Variants in ASTN2 observed in about 807,000 individuals in gnomAD.
ASTN2 encodes the protein astrotactin 2.
ASTN2 carries 54 observed loss-of-function variants against 139.8 expected under a neutral mutation model. That is an observed-to-expected ratio of 0.39 (90% confidence interval 0.31 to 0.48). The LOEUF (loss-of-function observed/expected upper bound fraction) is 0.48, where lower values mean the gene tolerates loss of function less well. Among genes scored for constraint, ASTN2 ranks in the 20% least tolerant of loss-of-function variants. ASTN2 has a pLI of 0.95. For missense variants in ASTN2, 1,565 were observed against 1,725.1 expected, an observed-to-expected ratio of 0.91 and a Z score of 1.64; for synonymous variants, 756 against 719.5, an observed-to-expected ratio of 1.05 and a Z score of -0.81.
chr9:116,427,269 G>T (rs908897349), intron 22 of ASTN2, among the ~76,000 whole-genome samples: 1 of 152,104 alleles, frequency 6.6e-6, no homozygotes, highest in Non-Finnish European at 1.5e-5. Flanking sequence ...AGACATTGAA[G>T]AATTTTCAAT....
intron 3 of ASTN2, among the ~76,000 whole-genome samples, chr9:117,149,354 GAC>G (rs2132875868): frequency 6.6e-6 from 1 of 152,262 alleles, no homozygotes; most frequent in East Asian, 1.9e-4. Flanking sequence ...TGGTTAGATA[GAC>G]AGATGAAAGG....
chr9:116,969,658 A>G (rs1387606113), intron 10 of ASTN2, among the ~76,000 whole-genome samples: 1 of 152,120 alleles, frequency 6.6e-6, no homozygotes, highest in Non-Finnish European at 1.5e-5. Context: ...GCCAAAAGCC[A>G]TTGGCACTCT....
chr9:117,132,735 G>A (rs773094393), intron 4 of ASTN2, among the ~76,000 whole-genome samples: 24 of 152,110 alleles, frequency 1.6e-4, no homozygotes, highest in East Asian at 5.8e-4. Flanking sequence ...TACTCTCCCC[G>A]GCTGCACCTC....
intron 4 of ASTN2, among the ~76,000 whole-genome samples, chr9:117,097,233 G>A (rs1828863454): frequency 6.6e-6 from 1 of 152,192 alleles, no homozygotes; most frequent in Non-Finnish European, 1.5e-5. Flanking sequence ...GAGGAGTGTG[G>A]AGGGAAAAGG....
At chr9:117,086,447 G>C (rs988998628) in intron 5 of ASTN2, among the ~76,000 whole-genome samples, 1 of 152,142 alleles carries the variant, frequency 6.6e-6, no homozygotes, top group Admixed American at 6.5e-5. Context: ...GGTGGCACGT[G>C]CCTGTAGTCC....
chr9:116,542,542 T>TTA (rs752633591), intron 19 of ASTN2, among the ~76,000 whole-genome samples: 4 of 152,316 alleles, frequency 2.6e-5, no homozygotes, highest in East Asian at 1.9e-4. Flanking sequence ...CAAAGCCAAG[T>TTA]TATATATATT....
At chr9:117,208,173 A>C (rs1832000202) in intron 3 of ASTN2, among the ~76,000 whole-genome samples, 1 of 152,222 alleles carries the variant, frequency 6.6e-6, no homozygotes, top group South Asian at 2.1e-4. Context: ...ATAATAAAAT[A>C]CATGAACTGC....
intron 20 of ASTN2, 114 bp downstream of exon 20, chr9:116,487,245 C>G: frequency 7.5e-7 from 1 of 1,325,244 alleles, no homozygotes; most frequent in Non-Finnish European, 1.0e-6. Context: ...GTTGCACATA[C>G]AGGCTAGCTA....
chr9:116,745,189 C>A (rs1718417881), intron 13 of ASTN2, among the ~76,000 whole-genome samples: 1 of 152,174 alleles, frequency 6.6e-6, no homozygotes, highest in South Asian at 2.1e-4. Context: ...TTATTTAAGG[C>A]CTTGCAGGTG....
intron 2 of ASTN2, among the ~76,000 whole-genome samples, chr9:117,265,614 G>A (rs888409397): frequency 1.3e-5 from 2 of 152,062 alleles, no homozygotes; most frequent in African/African-American, 2.4e-5. Flanking sequence ...TCTCCAATCC[G>A]GCCTAAATCT....
At chr9:116,570,627 G>C (rs62576093) in intron 19 of ASTN2, among the ~76,000 whole-genome samples, 17,705 of 152,194 alleles carry the variant, frequency 0.12, 1,175 homozygotes, top group Middle Eastern at 0.18. Flanking sequence ...TTGATCTCCT[G>C]ACCTCGTGAT....
intron 16 of ASTN2, among the ~76,000 whole-genome samples, chr9:116,665,247 T>C (rs990624723): frequency 6.6e-6 from 1 of 152,178 alleles, no homozygotes; most frequent in Non-Finnish European, 1.5e-5. Context: ...TGACACAAAA[T>C]GGACTGACAC....
At chr9:116,882,706 G>A (rs1191213546) in intron 10 of ASTN2, among the ~76,000 whole-genome samples, 1 of 152,042 alleles carries the variant, frequency 6.6e-6, no homozygotes, top group Non-Finnish European at 1.5e-5. Context: ...TCACTCCTAT[G>A]ATCCCAGCAC....
rs1861064119 is a variant in ASTN2 at position 116,699,472 on chromosome 9, G to T, written c.2806+26299C>A. ...TTCTCGGAGAATGAGGATTTCCGCT[G>T]CATTGCTGGCATGTGTGTGGATGCT... On this transcript the variant is annotated intron_variant, in intron 16 of 22. Transcript: ENST00000313400. The surrounding 1 kb of genome is among the most constrained non-coding windows in gnomAD (Gnocchi z 4.2). 6.2e-7 allele frequency: 1 copy of T among 1,614,094 alleles called. No homozygotes were observed. Among genetic ancestry groups the T allele is most frequent in the African/African-American group, 1.3e-5 (1 of 74,922 alleles).
intron 1 of ASTN2, among the ~76,000 whole-genome samples, chr9:117,298,339 A>T (rs908517659): frequency 5.3e-5 from 8 of 152,150 alleles, no homozygotes; most frequent in African/African-American, 1.9e-4. Context: ...TTTCATAAGG[A>T]GGAATATTGC....
At chr9:116,686,764 G>A in intron 16 of ASTN2, 2 of 1,550,638 alleles carry the variant, frequency 1.3e-6, no homozygotes, top group South Asian at 2.4e-5. Flanking sequence ...CGGCCTCCCA[G>A]CTGAGTAGGC....
At chr9:117,364,568 A>C (rs926797457) in intron 1 of ASTN2, among the ~76,000 whole-genome samples, 6 of 152,200 alleles carry the variant, frequency 3.9e-5, no homozygotes, top group Admixed American at 3.9e-4. Flanking sequence ...ATTATTGAGG[A>C]AGATAAATAG....
intron 1 of ASTN2, among the ~76,000 whole-genome samples, chr9:117,350,103 A>C (rs1034110726): frequency 6.6e-6 from 1 of 152,214 alleles, no homozygotes; most frequent in Non-Finnish European, 1.5e-5. Context: ...GAAGCTGGGT[A>C]AGTGGTATAT....
At chr9:116,888,291 AATGTATTCATTC>A (rs1448725856) in intron 10 of ASTN2, among the ~76,000 whole-genome samples, 3 of 152,028 alleles carry the variant, frequency 2.0e-5, no homozygotes, top group African/African-American at 7.2e-5. Context: ...CCAAAAATCA[AATGTATTCATTC>A]ATGACTACTT....
Sources: allele counts gnomAD v4.1 joint callset (sites outside exome capture counted in the v4.1 genomes callset), GRCh38; gene constraint gnomAD v4.1.1; non-coding constraint Gnocchi (gnomAD v3.1); transcripts MANE v1.5; gene names NCBI Gene and HGNC (gene_info 2026-07-23, HGNC 2026-07-21).